Variants in ARL6 observed in about 807,000 individuals in gnomAD.
The protein encoded by ARL6 is ARF like GTPase 6, also known as ADP-ribosylation factor-like protein 6.
ARL6 carries 18 observed loss-of-function variants against 27.1 expected under a neutral mutation model. The ratio of observed to expected loss-of-function variants is 0.66; its 90% confidence interval spans 0.46 to 0.98. The LOEUF (loss-of-function observed/expected upper bound fraction) is 0.98, where lower values mean the gene tolerates loss of function less well. Ranked by LOEUF, ARL6 falls within the 50% of genes least tolerant of loss-of-function variation. ARL6 has a pLI of 0.00. For synonymous variants in ARL6, 65 were observed against 72.3 expected, an observed-to-expected ratio of 0.90 and a Z score of 0.51; for missense variants, 187 against 214.9, an observed-to-expected ratio of 0.87 and a Z score of 0.81.
Position 97,767,437 on chromosome 3 carries a change from A to G in ARL6, c.-27-644A>G, listed in dbSNP as rs114641267. Among the ~76,000 whole-genome samples, 1,043 of 152,264 alleles carry G rather than the reference A, an allele frequency of 6.8e-3. 12 individuals carry two copies. The highest frequency in any genetic ancestry group is 0.024 in the African/African-American group (995 of 41,576). On this transcript the variant is annotated intron_variant, in intron 1 of 7. Coordinates refer to ENST00000463745, the MANE Select transcript of ARL6 (RefSeq NM_001278293.3). ...GATTTGTGGTGACTTACAAAGATGT[A>G]TGTATAGGATAAGGGGAAATAAGGA...
intron 7 of ARL6, among the ~76,000 whole-genome samples, chr3:97,797,571 CA>C (rs1335470332): frequency 1.4e-4 from 22 of 151,914 alleles, no homozygotes; most frequent in Non-Finnish European, 2.4e-4. Context: ...GAAGAAGTAA[CA>C]ATAAAAGTAT....
At chr3:97,768,367 C>T (rs763806217) in intron 2 of ARL6, 137 bp downstream of exon 2, 20 of 831,600 alleles carry the variant, frequency 2.4e-5, no homozygotes, top group Non-Finnish European at 3.5e-5. Flanking sequence ...CTTTAAGTAT[C>T]CTCAGCCATA....
intron 2 of ARL6, among the ~76,000 whole-genome samples, chr3:97,773,810 C>T (rs2036755071): frequency 6.6e-6 from 1 of 152,214 alleles, no homozygotes; most frequent in Admixed American, 6.5e-5. Context: ...GTGGTCACAG[C>T]TGGTATTGAT....
At chr3:97,780,834 C>A in intron 4 of ARL6, 151 bp downstream of exon 4, 1 of 673,382 alleles carries the variant, frequency 1.5e-6, no homozygotes. Flanking sequence ...TAATGAGACT[C>A]AACATTGTTT....
chr3:97,770,187 C>T (rs945194504), intron 2 of ARL6, among the ~76,000 whole-genome samples: 9 of 152,030 alleles, frequency 5.9e-5, no homozygotes, highest in Non-Finnish European at 8.8e-5. Flanking sequence ...ACATCTTCAC[C>T]AGCATTCATT....
intron 5 of ARL6, among the ~76,000 whole-genome samples, chr3:97,786,213 C>T (rs1193691033): frequency 2.0e-5 from 3 of 151,714 alleles, no homozygotes; most frequent in Non-Finnish European, 2.9e-5. Flanking sequence ...TAGCCAGGCA[C>T]GTGCACTTGT....
intron 5 of ARL6, among the ~76,000 whole-genome samples, chr3:97,787,576 C>A (rs1429014604): frequency 6.6e-6 from 1 of 152,138 alleles, no homozygotes; most frequent in African/African-American, 2.4e-5. Context: ...AAAAATCTAG[C>A]TTGTTACTTA....
chr3:97,794,414 A>G (rs755000121), intron 7 of ARL6, among the ~76,000 whole-genome samples: 1 of 151,940 alleles, frequency 6.6e-6, no homozygotes, highest in Non-Finnish European at 1.5e-5. Flanking sequence ...GGGTTTCACC[A>G]TGTTGGGAAG....
Position 97,798,011 on chromosome 3 carries a change from T to G in ARL6, c.536-13T>G, listed in dbSNP as rs1274329971. The G allele has an allele frequency of 6.2e-7, 1 of 1,612,720 alleles. No individual in the cohort carries two copies. Among genetic ancestry groups the G allele is most frequent in the Admixed American group, 1.7e-5 (1 of 59,984 alleles). On this transcript the variant is annotated splice_polypyrimidine_tract_variant and intron_variant, in intron 7 of 7. Transcript: ENST00000463745. ...ATAGAGATTGATAATTTTTGTTTGT[T>G]TTTTGTTATCAGATCAGATCCAGAC... is the stretch of plus-strand genomic sequence containing the variant.
At position 97,788,015 on chromosome 3, in the gene ARL6, C is replaced by T; in HGVS notation, c.375C>T (p.Ile125=). The change falls in exon 6 of 8, where the codon ATC becomes ATT. Residue 125 remains isoleucine (I), a synonymous_variant. Coordinates refer to ENST00000463745, the MANE Select transcript of ARL6 (RefSeq NM_001278293.3). ...HPDIKHRRIP[I]LFFANKMDLR... is the part of the protein sequence containing the mutation. The stretch of plus-strand genomic sequence containing the variant: ...ATATTAAACACCGTCGAATTCCAAT[C>T]TTATTCTTTGCAAATAAAATGGATC... 6.2e-7 allele frequency: 1 copy of T among 1,613,200 alleles called. No homozygotes were observed. Among genetic ancestry groups the T allele is most frequent in the Non-Finnish European group, 8.5e-7 (1 of 1,179,404 alleles).
chr3:97,776,838 T>C (rs985609960), intron 2 of ARL6, among the ~76,000 whole-genome samples: 3 of 152,120 alleles, frequency 2.0e-5, no homozygotes, highest in Admixed American at 6.5e-5. Flanking sequence ...TTTGTATTTT[T>C]AGTAGAGACG....
At chr3:97,784,917 G>T in intron 4 of ARL6, 38 bp from the exon 5 acceptor site, 1 of 1,482,352 alleles carries the variant, frequency 6.7e-7, no homozygotes. Context: ...AAATTTATAA[G>T]TAAAGCTTTA....
At chr3:97,787,670 C>A (rs79282850) in intron 5 of ARL6, among the ~76,000 whole-genome samples, 6,067 of 152,106 alleles carry the variant, frequency 0.04, 227 homozygotes, top group African/African-American at 0.099. Context: ...TTCTGTTCAC[C>A]ATTAAAAAGG....
At chr3:97,780,014 C>T in intron 2 of ARL6, 145 bp from the exon 3 acceptor site, 1 of 671,774 alleles carries the variant, frequency 1.5e-6, no homozygotes, top group East Asian at 2.7e-5. Context: ...ACAGAGTGAT[C>T]CTATTGAAAA....
At chr3:97,773,568 A>G (rs2036741999) in intron 2 of ARL6, among the ~76,000 whole-genome samples, 1 of 152,224 alleles carries the variant, frequency 6.6e-6, no homozygotes, top group South Asian at 2.1e-4. Context: ...TAATACAACT[A>G]TCCTTCGTAC....
Position 97,776,371 on chromosome 3 carries a change from A to AT in ARL6, c.124-3779dup, listed in dbSNP as rs1321875874. 2.2e-4 allele frequency among the ~76,000 whole-genome samples: 33 copies of AT among 150,838 alleles called. 1 individual carries two copies. Among genetic ancestry groups the AT allele is most frequent in the Admixed American group, 2.0e-3 (31 of 15,140 alleles). On this transcript the variant is annotated intron_variant, in intron 2 of 7. Transcript: ENST00000463745. Reference sequence around the variant, plus strand: ...TGTGGAAAGCACATAGTTGGGTCTTATTTTTTTTTAATCCATTCAGCCACT... The same window carrying AT: ...TGTGGAAAGCACATAGTTGGGTCTTATTTTTTTTTTAATCCATTCAGCCACT...
chr3:97,797,479 A>G (rs2038058475), intron 7 of ARL6, among the ~76,000 whole-genome samples: 1 of 152,188 alleles, frequency 6.6e-6, no homozygotes, highest in African/African-American at 2.4e-5. Context: ...GGGGTATTAG[A>G]AGTATTATGA....
At chr3:97,768,683 T>G (rs1312887062) in intron 2 of ARL6, among the ~76,000 whole-genome samples, 2 of 152,032 alleles carry the variant, frequency 1.3e-5, no homozygotes, top group Non-Finnish European at 2.9e-5. Context: ...AGCTAGCACA[T>G]TTAACATGTG....
At chr3:97,787,178 A>G (rs1467527108) in intron 5 of ARL6, among the ~76,000 whole-genome samples, 1 of 152,174 alleles carries the variant, frequency 6.6e-6, no homozygotes, top group Admixed American at 6.5e-5. Flanking sequence ...TGGTTAAATA[A>G]TAGTACATAG....
Sources: allele counts gnomAD v4.1 joint callset (sites outside exome capture counted in the v4.1 genomes callset), GRCh38; gene constraint gnomAD v4.1.1; transcripts MANE v1.5; gene names NCBI Gene and HGNC (gene_info 2026-07-23, HGNC 2026-07-21).